The following ZNF827 variants were observed in gnomAD, a reference collection of about 807,000 sequenced individuals.
ZNF827 encodes zinc finger protein 827.
A neutral mutation model predicts 102.4 loss-of-function variants in ZNF827; 13 were observed. The observed-to-expected ratio is 0.13, with a 90% CI of 0.08 to 0.20. The LOEUF (loss-of-function observed/expected upper bound fraction) is 0.20. ZNF827 is among the 10% of genes least tolerant of loss of function. The pLI, the probability that ZNF827 is intolerant of heterozygous loss-of-function variation, is 1.00. For missense variants in ZNF827, 1,103 were observed against 1,344.4 expected (o/e 0.82, Z 2.81); for synonymous variants, 523 against 536.2 (o/e 0.98, Z 0.34).
chr4:145,928,838 G>C (rs1753610718), intron 1 of ZNF827, among the ~76,000 whole-genome samples: 1 of 152,202 alleles, frequency 6.6e-6, no homozygotes, highest in Admixed American at 6.5e-5. Flanking sequence ...ATACCTGAGG[G>C]AGGTGGGCAG....
intron 1 of ZNF827, among the ~76,000 whole-genome samples, chr4:145,926,583 T>A (rs1248333095): frequency 6.6e-6 from 1 of 152,238 alleles, no homozygotes; most frequent in East Asian, 1.9e-4. Context: ...GGCCAAGTTT[T>A]AAATATTAAT....
intron 8 of ZNF827, among the ~76,000 whole-genome samples, chr4:145,813,136 C>T (rs977715960): frequency 3.3e-5 from 5 of 152,100 alleles, no homozygotes; most frequent in Non-Finnish European, 5.9e-5. Context: ...CATGGCTCCA[C>T]GATCCAGGAT....
In ZNF827 at chr4:145,931,100, G is replaced by A. The variant is rs147072266; in HGVS notation, c.43+7265C>T. ...CATAAAAAATAACTTACAGAGAGAG[G>A]ACAGAAATACAAAAAACTTACTCCC... On this transcript the variant is annotated intron_variant, in intron 1 of 14. Coordinates refer to ENST00000508784, the MANE Select transcript of ZNF827 (RefSeq NM_001306215.2). Among the ~76,000 whole-genome samples the A allele has an allele frequency of 1.6e-3, 248 of 152,194 alleles. 1 individual carries two copies. Among genetic ancestry groups the A allele is most frequent in the African/African-American group, 5.8e-3 (239 of 41,514 alleles).
intron 8 of ZNF827, among the ~76,000 whole-genome samples, chr4:145,796,621 CTCT>C (rs1740406184): frequency 1.3e-5 from 1 of 79,686 alleles, no homozygotes; most frequent in African/African-American, 4.5e-5. Context: ...TCATTTGTTC[CTCT>C]TTTTTTTTTT....
chr4:145,869,863 A>C (rs549769121), intron 5 of ZNF827, among the ~76,000 whole-genome samples: 91 of 152,344 alleles, frequency 6.0e-4, no homozygotes, highest in Non-Finnish European at 1.2e-3. Context: ...TAAAGAGTGT[A>C]GTATAAATAC....
chr4:145,856,324 T>A (rs113000691), intron 5 of ZNF827, among the ~76,000 whole-genome samples: 4 of 152,272 alleles, frequency 2.6e-5, no homozygotes, highest in Non-Finnish European at 4.4e-5. Context: ...CTATAAAGGA[T>A]CGGCTTATTA....
At chr4:145,898,951 C>T (rs1467551846) in intron 2 of ZNF827, among the ~76,000 whole-genome samples, 1 of 152,054 alleles carries the variant, frequency 6.6e-6, no homozygotes, top group East Asian at 1.9e-4. Context: ...TTTTTTCTTG[C>T]GCATTTTGAG....
Position 145,895,611 on chromosome 4 carries a change from C to T in ZNF827, c.1094-3196G>A, listed in dbSNP as rs549536029. On this transcript the variant is annotated intron_variant, in intron 2 of 14. Coordinates refer to ENST00000508784, the MANE Select transcript of ZNF827 (RefSeq NM_001306215.2). ...ACAGAAACCAAATGATAAAAGTAAC[C>T]GAAGTACCATGACTGATTTTCACCT... Among the ~76,000 whole-genome samples, 26 of 152,208 alleles carry T rather than the reference C, an allele frequency of 1.7e-4. 1 individual carries two copies. In the South Asian group the frequency reaches 4.8e-3, roughly 28 times the overall value.
At chr4:145,872,373 C>G (rs1304745648) in intron 4 of ZNF827, among the ~76,000 whole-genome samples, 1 of 152,076 alleles carries the variant, frequency 6.6e-6, no homozygotes, top group Non-Finnish European at 1.5e-5. Flanking sequence ...AAAGTCTGCA[C>G]GAGGACACAG....
At chr4:145,882,175 A>G (rs1749725071) in intron 4 of ZNF827, among the ~76,000 whole-genome samples, 1 of 152,160 alleles carries the variant, frequency 6.6e-6, no homozygotes, top group Admixed American at 6.5e-5. Context: ...TAGCCACGTG[A>G]CCACTGGCTC....
intron 8 of ZNF827, among the ~76,000 whole-genome samples, chr4:145,799,451 T>TA (rs1484396611): frequency 2.0e-5 from 3 of 152,180 alleles, no homozygotes; most frequent in Admixed American, 6.5e-5. Context: ...ATGAATGTAA[T>TA]AGAGTAAAAT....
In ZNF827 at chr4:145,761,961, C is replaced by T. The variant is rs1291113062; in HGVS notation, c.*18-363G>A. 1.3e-5 allele frequency among the ~76,000 whole-genome samples: 2 copies of T among 152,182 alleles called. No homozygotes were observed. Among genetic ancestry groups the T allele is most frequent in the Non-Finnish European group, 2.9e-5 (2 of 68,024 alleles). ...CCTCGGAGCCCTCCCCACTCCCGAC[C>T]AGACAGCGCAGAGGTCTAAACCTCC... On this transcript the variant is annotated intron_variant, in intron 14 of 14. Transcript: ENST00000508784. This position sits in a 1 kb window ranked among gnomAD's most constrained non-coding sequence, Gnocchi z 6.8.
intron 4 of ZNF827, among the ~76,000 whole-genome samples, chr4:145,873,004 C>T (rs1283952164): frequency 2.1e-5 from 3 of 142,416 alleles, no homozygotes; most frequent in Non-Finnish European, 3.0e-5. Flanking sequence ...GGCACAATCT[C>T]GGCTCACCAC....
chr4:145,847,137 G>T (rs969606326), intron 6 of ZNF827, among the ~76,000 whole-genome samples: 5 of 151,760 alleles, frequency 3.3e-5, no homozygotes, highest in African/African-American at 1.2e-4. Context: ...CTGGGCGACA[G>T]AGTGTAACTC....
chr4:145,913,578 T>C (rs1316288916), intron 1 of ZNF827, among the ~76,000 whole-genome samples: 1 of 152,160 alleles, frequency 6.6e-6, no homozygotes, highest in Non-Finnish European at 1.5e-5. Flanking sequence ...GTTGAAAAGA[T>C]AGCTTGAATT....
intron 1 of ZNF827, among the ~76,000 whole-genome samples, chr4:145,918,413 T>C (rs1412913978): frequency 1.1e-5 from 1 of 87,594 alleles, no homozygotes; most frequent in African/African-American, 5.9e-5. Flanking sequence ...TTTCTTTATA[T>C]ATAAAAAAAA....
chr4:145,925,672 A>C (rs1753369871), intron 1 of ZNF827, among the ~76,000 whole-genome samples: 5 of 152,182 alleles, frequency 3.3e-5, no homozygotes. Flanking sequence ...CTCTACTCCC[A>C]AAAGGCTCTC....
At position 145,849,206 on chromosome 4, in the gene ZNF827, T is replaced by C. The variant is rs558382505; in HGVS notation, c.2221+116A>G. On this transcript the variant is annotated intron_variant, in intron 6 of 14. Coordinates refer to ENST00000508784, the MANE Select transcript of ZNF827 (RefSeq NM_001306215.2). ...AGTATGCATGTTAAAGCAACAAAAT[T>C]GATTTCTGTCTAAAAAATCCTATAA... 1.1e-4 allele frequency: 146 copies of C among 1,352,380 alleles called. No individual in the cohort carries two copies. In the South Asian group the frequency reaches 2.0e-3, roughly 19 times the overall value. 83.8% of individuals were successfully genotyped at this position (1,352,380 alleles called of 1,614,324 possible).
At chr4:145,903,612 A>AG (rs770865677) in intron 1 of ZNF827, among the ~76,000 whole-genome samples, 1 of 152,224 alleles carries the variant, frequency 6.6e-6, no homozygotes, top group Non-Finnish European at 1.5e-5. Flanking sequence ...AGCCTGGCAT[A>AG]GTGGGACACA....
Sources: allele counts gnomAD v4.1 joint callset (sites outside exome capture counted in the v4.1 genomes callset), GRCh38; gene constraint gnomAD v4.1.1; non-coding constraint Gnocchi (gnomAD v3.1); transcripts MANE v1.5; gene names NCBI Gene and HGNC (gene_info 2026-07-23, HGNC 2026-07-21).